Variants in FREM1 observed in about 807,000 individuals in gnomAD.
The protein encoded by FREM1 is FRAS1 related extracellular matrix 1.
FREM1 carries 220 observed loss-of-function variants against 210.1 expected under a neutral mutation model. The observed-to-expected ratio is 1.05, with a 90% CI of 0.94 to 1.17. The LOEUF (loss-of-function observed/expected upper bound fraction) is 1.17, where lower values mean the gene tolerates loss of function less well. FREM1 is among the 50% of genes most tolerant of loss of function. FREM1 has a pLI of 0.00. For missense variants in FREM1, 3,454 were observed against 2,675.5 expected, an observed-to-expected ratio of 1.29 and a Z score of -6.42; for synonymous variants, 1,189 against 980.2, an observed-to-expected ratio of 1.21 and a Z score of -3.98.
At chr9:14,774,517 CTCTCTCTCT>C (rs1563893173) in intron 25 of FREM1, among the ~76,000 whole-genome samples, 13 of 12,176 alleles carry the variant, frequency 1.1e-3, no homozygotes, top group Non-Finnish European at 2.1e-3. Context: ...ATAAATCTCT[CTCTCTCTCT>C]CTCTCTCTCT....
At chr9:14,747,143 A>G in intron 33 of FREM1, 92 bp from the exon 34 acceptor site, 1 of 1,590,536 alleles carries the variant, frequency 6.3e-7, no homozygotes, top group Admixed American at 1.7e-5. Context: ...TTTGTTGGGA[A>G]GCATTTGTGT....
Position 14,846,073 on chromosome 9 carries a change from C to T in FREM1, c.1280G>A (p.Gly427Glu). The T allele has an allele frequency of 1.3e-6, 2 of 1,584,014 alleles. No individual in the cohort carries two copies. The highest frequency in any genetic ancestry group is 1.7e-6 in the Non-Finnish European group (2 of 1,163,990). Residue 427 changes from glycine to glutamate, a missense_variant, in exon 8 of 37, where the codon GGG becomes GAG. Physicochemically the swap from Gly to Glu is moderately conservative, Grantham distance 98. Coordinates refer to ENST00000380880, the MANE Select transcript of FREM1 (RefSeq NM_001379081.2). ...SWNTGLSLLE[G>E]QSRAITWEQF... is the part of the protein sequence containing the mutation. ...TTCCCAAGTGATGGCTCGAGACTGC[C>T]CCTCAAGGAGACTCAGACCTATGAA...
chr9:14,773,266 C>T (rs1454002427), intron 25 of FREM1, among the ~76,000 whole-genome samples: 1 of 152,168 alleles, frequency 6.6e-6, no homozygotes, highest in Non-Finnish European at 1.5e-5. Flanking sequence ...AGATTTCCTA[C>T]CAAATGAATG....
intron 24 of FREM1, chr9:14,782,267 C>A: frequency 2.1e-6 from 1 of 469,692 alleles, no homozygotes; most frequent in Non-Finnish European, 2.8e-6. Context: ...AAAATGCCAT[C>A]TAATAAGACT....
chr9:14,797,528 G>C lies in FREM1; in HGVS notation c.3809C>G (p.Pro1270Arg). 1.9e-6 allele frequency: 3 copies of C among 1,610,656 alleles called. No homozygotes were observed. The highest frequency in any genetic ancestry group is 2.5e-6 in the Non-Finnish European group (3 of 1,178,192). Reference protein sequence around the residue: ...ILKTISVEVIPVNDEKPMLSK... With the variant: ...ILKTISVEVIRVNDEKPMLSK... ...CAGCATTGGTTTTTCATCATTAACTGGGATGACCTCTACTGAAATGGTTTT... is the reference window on the plus strand; with the variant it reads ...CAGCATTGGTTTTTCATCATTAACTCGGATGACCTCTACTGAAATGGTTTT... The change falls in exon 21 of 37, where the codon CCA becomes CGA. Residue 1270 changes from proline (P) to arginine (R), a missense_variant. By Grantham distance (103) the Pro-to-Arg change is moderately radical. Transcript: ENST00000380880.
chr9:14,874,715 T>G (rs1238973476), intron 1 of FREM1, among the ~76,000 whole-genome samples: 2 of 152,280 alleles, frequency 1.3e-5, no homozygotes, highest in Admixed American at 6.5e-5. Context: ...TCATTATGAT[T>G]TTAGCTGGTT....
chr9:14,864,942 T>TA, intron 2 of FREM1, among the ~76,000 whole-genome samples: 1 of 152,336 alleles, frequency 6.6e-6, no homozygotes, highest in East Asian at 1.9e-4. Flanking sequence ...ATAGTCATGG[T>TA]AATAAAGAGA....
chr9:14,837,418 A>G (rs2131108750), intron 10 of FREM1, among the ~76,000 whole-genome samples: 1 of 151,822 alleles, frequency 6.6e-6, no homozygotes, highest in South Asian at 2.1e-4. Flanking sequence ...CGTCTTGTAT[A>G]TTAAACTCTC....
chr9:14,807,242 GT>G (rs1435193279), intron 17 of FREM1, among the ~76,000 whole-genome samples: 21 of 152,160 alleles, frequency 1.4e-4, no homozygotes, highest in Admixed American at 5.2e-4. Flanking sequence ...CGTAGTTTAT[GT>G]ACTCTTCAAG....
intron 29 of FREM1, chr9:14,751,757 T>C (rs1328436013): frequency 6.6e-6 from 1 of 152,152 alleles, no homozygotes; most frequent in Non-Finnish European, 1.5e-5. Flanking sequence ...CTTGAAGGTA[T>C]GCCTCACATA....
Position 14,756,362 on chromosome 9 carries a change from C to A in FREM1, c.5407+12G>T. 1 of 1,567,062 alleles carries A rather than the reference C, an allele frequency of 6.4e-7. No homozygotes were observed. Among genetic ancestry groups the A allele is most frequent in the Non-Finnish European group, 8.7e-7 (1 of 1,154,422 alleles). Reference sequence around the variant, plus strand: ...CAAAACACATAAAACAAACTGCAGACACAAAATGTACCTGGGTCAAACTGA... The same window carrying A: ...CAAAACACATAAAACAAACTGCAGAAACAAAATGTACCTGGGTCAAACTGA... On this transcript the variant is annotated intron_variant, in intron 29 of 36. Transcript: ENST00000380880.
chr9:14,788,302 C>A (rs1305378993), intron 23 of FREM1, among the ~76,000 whole-genome samples: 2 of 152,094 alleles, frequency 1.3e-5, no homozygotes, highest in African/African-American at 2.4e-5. Context: ...AAACTCTCCT[C>A]CATCTTCCAT....
intron 24 of FREM1, 195 bp from the exon 25 acceptor site, chr9:14,776,398 T>G: frequency 2.0e-6 from 1 of 500,288 alleles, no homozygotes; most frequent in African/African-American, 1.9e-5. Flanking sequence ...TGGACCATTC[T>G]ACACCCAAGA....
intron 1 of FREM1, among the ~76,000 whole-genome samples, chr9:14,887,980 T>C (rs1192133471): frequency 1.3e-5 from 2 of 152,106 alleles, no homozygotes; most frequent in Non-Finnish European, 2.9e-5. Flanking sequence ...ATATTTTTAG[T>C]AGAGACAGGG....
chr9:14,861,894 C>T lies in FREM1; in HGVS notation c.329+1915G>A, dbSNP rs141909886. On this transcript the variant is annotated intron_variant, in intron 3 of 36. Transcript: ENST00000380880. ...TTGAATTGTTACTGACGGTAGTCAC[C>T]CTGTTGTGCTATCAAATACTAGGTC... 5.4e-3 allele frequency among the ~76,000 whole-genome samples: 818 copies of T among 152,172 alleles called. 3 individuals are homozygous for T. Among genetic ancestry groups the T allele is most frequent in the Middle Eastern group, 0.014 (4 of 294 alleles).
At chr9:14,839,417 C>G (rs1020612586) in intron 10 of FREM1, among the ~76,000 whole-genome samples, 1 of 152,176 alleles carries the variant, frequency 6.6e-6, no homozygotes, top group African/African-American at 2.4e-5. Context: ...GGACACACAT[C>G]TGAGCTGGAT....
chr9:14,793,345 TA>T (rs1234794720), intron 21 of FREM1, among the ~76,000 whole-genome samples: 1 of 152,228 alleles, frequency 6.6e-6, no homozygotes, highest in Non-Finnish European at 1.5e-5. Context: ...CATTCTGAGT[TA>T]GGTGATAGTT....
At chr9:14,890,804 T>A (rs1391411345) in intron 1 of FREM1, among the ~76,000 whole-genome samples, 2 of 152,150 alleles carry the variant, frequency 1.3e-5, no homozygotes, top group African/African-American at 4.8e-5. Context: ...AGGGAAAAAA[T>A]GTGTGCCCTC....
At chr9:14,806,011 C>G (rs1165812572) in intron 18 of FREM1, among the ~76,000 whole-genome samples, 2 of 152,160 alleles carry the variant, frequency 1.3e-5, no homozygotes, top group African/African-American at 4.8e-5. Context: ...GAGAATGAGA[C>G]CTTGTGAGCT....
Sources: gnomAD v4.1 joint callset for allele counts (sites outside exome capture counted in the v4.1 genomes callset) on GRCh38, gnomAD v4.1.1 for gene constraint, MANE v1.5 for transcripts, NCBI Gene and HGNC (gene_info 2026-07-23, HGNC 2026-07-21) for gene names.